The following GALNT17 variants were observed in gnomAD, a reference collection of about 807,000 sequenced individuals.
The protein encoded by GALNT17 is polypeptide N-acetylgalactosaminyltransferase 17, also known as UDP-GalNAc:polypeptide N-acetylgalactosaminyltransferase-like 3.
In GALNT17, 29 loss-of-function variants were observed where a neutral mutation model predicts 63.7. The observed-to-expected ratio is 0.46, with a 90% CI of 0.34 to 0.62. The LOEUF (loss-of-function observed/expected upper bound fraction) is 0.62, where lower values mean the gene tolerates loss of function less well. Among genes scored for constraint, GALNT17 ranks in the 20% least tolerant of loss-of-function variants. The pLI, the probability that GALNT17 is intolerant of heterozygous loss-of-function variation, is 0.01. For missense variants in GALNT17, 603 were observed against 799.6 expected (o/e 0.75, Z 2.97); for synonymous variants, 305 against 318.3 (o/e 0.96, Z 0.45).
At chr7:71,199,556 A>G (rs1789124127) in intron 1 of GALNT17, among the ~76,000 whole-genome samples, 1 of 143,494 alleles carries the variant, frequency 7.0e-6, no homozygotes, top group Admixed American at 6.8e-5. Context: ...CCATCCATCC[A>G]TCCATCCATC....
intron 1 of GALNT17, among the ~76,000 whole-genome samples, chr7:71,155,825 G>A (rs1788225279): frequency 1.3e-5 from 2 of 151,780 alleles, no homozygotes; most frequent in South Asian, 4.1e-4. Flanking sequence ...GGAAGTAGGT[G>A]GCTTGTCTGA....
intron 9 of GALNT17, among the ~76,000 whole-genome samples, chr7:71,679,606 G>T (rs983701829): frequency 2.6e-5 from 4 of 152,076 alleles, no homozygotes; most frequent in African/African-American, 7.2e-5. Context: ...CGGTGCTGGG[G>T]CCTGGGAGGT....
At chr7:71,142,801 C>A (rs1787940616) in intron 1 of GALNT17, among the ~76,000 whole-genome samples, 1 of 151,870 alleles carries the variant, frequency 6.6e-6, no homozygotes. Flanking sequence ...ATTAGCTGGG[C>A]TTGGTGGCAC....
At chr7:71,365,964 A>G (rs1279896224) in intron 2 of GALNT17, among the ~76,000 whole-genome samples, 1 of 152,160 alleles carries the variant, frequency 6.6e-6, no homozygotes, top group Non-Finnish European at 1.5e-5. Flanking sequence ...CTGCAACTAG[A>G]CGGTCCCATC....
intron 2 of GALNT17, among the ~76,000 whole-genome samples, chr7:71,387,093 A>G (rs900229456): frequency 1.3e-5 from 2 of 151,858 alleles, no homozygotes; most frequent in African/African-American, 2.4e-5. Context: ...AGGGTGTGTT[A>G]TGAAGATTGC....
At chr7:71,316,173 C>T (rs1050810757) in intron 1 of GALNT17, among the ~76,000 whole-genome samples, 5 of 107,900 alleles carry the variant, frequency 4.6e-5, no homozygotes, top group Middle Eastern at 5.2e-3. Context: ...GCAGGAGCCT[C>T]GCAGGCCGCC....
chr7:71,712,244 G>T lies in GALNT17; in HGVS notation c.*98G>T. Reference sequence around the variant, plus strand: ...CCTGGCGGAGAGACAGCAAGGGGCCGGCAGGTGCTCGATGGGCCCCCCAGG... The same window carrying T: ...CCTGGCGGAGAGACAGCAAGGGGCCTGCAGGTGCTCGATGGGCCCCCCAGG... On this transcript the variant is annotated 3_prime_UTR_variant, in exon 11 of 11. Coordinates refer to ENST00000333538, the MANE Select transcript of GALNT17 (RefSeq NM_022479.3). 1 of 1,511,834 alleles carries T rather than the reference G, an allele frequency of 6.6e-7. No individual in the cohort carries two copies. 93.7% of individuals were successfully genotyped at this position (1,511,834 alleles called of 1,614,324 possible).
At chr7:71,153,657 C>T (rs1054072720) in intron 1 of GALNT17, among the ~76,000 whole-genome samples, 17 of 152,242 alleles carry the variant, frequency 1.1e-4, no homozygotes, top group African/African-American at 3.9e-4. Flanking sequence ...ATCCCTGGCA[C>T]GGTAATTCCA....
At chr7:71,454,891 C>T (rs1787327219) in intron 5 of GALNT17, among the ~76,000 whole-genome samples, 1 of 152,122 alleles carries the variant, frequency 6.6e-6, no homozygotes, top group Admixed American at 6.5e-5. Context: ...CTGGGCCAGG[C>T]ATGATGGCAC....
chr7:71,183,758 C>T lies in GALNT17; in HGVS notation c.238+50718C>T, dbSNP rs189189031. ...CGAAAAATAACAAAAATTAGCTGGG[C>T]GTGATGGCGGGTGCCTGTAATCCCA... On this transcript the variant is annotated intron_variant, in intron 1 of 10. Transcript: ENST00000333538. Among the ~76,000 whole-genome samples the T allele has an allele frequency of 5.0e-3, 757 of 152,172 alleles. 5 individuals are homozygous for T. Among genetic ancestry groups the T allele is most frequent in the Non-Finnish European group, 5.4e-3 (366 of 68,012 alleles).
chr7:71,451,466 T>C (rs1311088979), intron 5 of GALNT17, among the ~76,000 whole-genome samples: 1 of 152,184 alleles, frequency 6.6e-6, no homozygotes, highest in Non-Finnish European at 1.5e-5. Flanking sequence ...TTTATCAGTG[T>C]TTTTCTCTCC....
chr7:71,576,858 C>T (rs905397779), intron 6 of GALNT17, among the ~76,000 whole-genome samples: 2 of 152,142 alleles, frequency 1.3e-5, no homozygotes, highest in Admixed American at 1.3e-4. Flanking sequence ...ACGAGCCACG[C>T]TCCTGGCCTT....
chr7:71,267,295 C>T (rs1342874993), intron 1 of GALNT17, among the ~76,000 whole-genome samples: 3 of 152,096 alleles, frequency 2.0e-5, no homozygotes, highest in Non-Finnish European at 4.4e-5. Context: ...CCTTCTCAGG[C>T]TCCACGCCTT....
chr7:71,510,604 A>G (rs1788340966), intron 5 of GALNT17, among the ~76,000 whole-genome samples: 1 of 152,192 alleles, frequency 6.6e-6, no homozygotes, highest in Admixed American at 6.5e-5. Flanking sequence ...CAAGGGCTTC[A>G]GCAGGTGTAG....
intron 6 of GALNT17, among the ~76,000 whole-genome samples, chr7:71,612,768 T>G (rs1790144113): frequency 6.6e-6 from 1 of 152,206 alleles, no homozygotes; most frequent in South Asian, 2.1e-4. Context: ...TTGTGATTAT[T>G]TTGTTCCCTT....
intron 6 of GALNT17, among the ~76,000 whole-genome samples, chr7:71,612,219 G>C (rs1246243547): frequency 6.6e-6 from 1 of 152,158 alleles, no homozygotes; most frequent in Non-Finnish European, 1.5e-5. Flanking sequence ...ACAGGACATT[G>C]ACCCGAATGC....
intron 2 of GALNT17, among the ~76,000 whole-genome samples, chr7:71,382,195 C>T (rs1792859126): frequency 6.6e-6 from 1 of 152,114 alleles, no homozygotes; most frequent in Non-Finnish European, 1.5e-5. Context: ...GCCTGGACAA[C>T]ATGGTGAAAC....
chr7:71,367,234 T>C (rs1235498914), intron 2 of GALNT17, among the ~76,000 whole-genome samples: 1 of 152,230 alleles, frequency 6.6e-6, no homozygotes, highest in East Asian at 1.9e-4. Context: ...TTCTTCCTTA[T>C]AGGCTTCTGA....
intron 1 of GALNT17, among the ~76,000 whole-genome samples, chr7:71,155,888 G>A (rs1240680984): frequency 6.6e-6 from 1 of 151,808 alleles, no homozygotes; most frequent in Non-Finnish European, 1.5e-5. Context: ...TTTTCCTGGA[G>A]TGAGAACTTT....
Sources: gnomAD v4.1 joint callset for allele counts (sites outside exome capture counted in the v4.1 genomes callset) on GRCh38, gnomAD v4.1.1 for gene constraint, MANE v1.5 for transcripts, NCBI Gene and HGNC (gene_info 2026-07-23, HGNC 2026-07-21) for gene names.